IL1RAPL2: variants seen among roughly 807,000 people sequenced by gnomAD.
IL1RAPL2 encodes X-linked interleukin-1 receptor accessory protein-like 2.
IL1RAPL2 carries 3 observed loss-of-function variants against 44.1 expected under a neutral mutation model. The observed-to-expected ratio is 0.07, with a 90% CI of 0.03 to 0.18. IL1RAPL2 has a LOEUF of 0.18. IL1RAPL2 is among the 10% of genes least tolerant of loss of function. IL1RAPL2 has a pLI of 1.00. For synonymous variants in IL1RAPL2, 181 were observed against 178.8 expected (o/e 1.01, Z -0.10); for missense variants, 391 against 496.4 (o/e 0.79, Z 2.02).
intron 4 of IL1RAPL2, among the ~76,000 whole-genome samples, chrX:105,260,438 A>G: frequency 8.9e-6 from 1 of 111,957 alleles, no homozygotes; most frequent in East Asian, 2.8e-4. Flanking sequence ...ATTTTAGTAG[A>G]GCAGCTGTTT....
chrX:105,678,871 C>T (rs1472156539), intron 6 of IL1RAPL2, among the ~76,000 whole-genome samples: 1 of 110,896 alleles, frequency 9.0e-6, no homozygotes, highest in Non-Finnish European at 1.9e-5. Context: ...ATAACTAAAA[C>T]ATATTATAAT....
At chrX:105,266,305 G>C (rs751867612) in intron 4 of IL1RAPL2, among the ~76,000 whole-genome samples, 1 of 110,964 alleles carries the variant, frequency 9.0e-6, no homozygotes, top group African/African-American at 3.3e-5. Context: ...GCCTCCCAAA[G>C]TGCTGGGATT....
At chrX:105,593,423 T>TG (rs1192125721) in intron 6 of IL1RAPL2, among the ~76,000 whole-genome samples, 4 of 112,004 alleles carry the variant, frequency 3.6e-5, no homozygotes, top group Non-Finnish European at 5.6e-5. Flanking sequence ...CTGAATTCCA[T>TG]GTCTGTCTTT....
intron 5 of IL1RAPL2, among the ~76,000 whole-genome samples, chrX:105,412,666 A>C (rs942885189): frequency 9.0e-6 from 1 of 111,299 alleles, no homozygotes; most frequent in African/African-American, 3.3e-5. Flanking sequence ...ATAGTGTATT[A>C]CAAAAGAGCT....
chrX:104,759,041 A>C (rs1301400791), intron 2 of IL1RAPL2, among the ~76,000 whole-genome samples: 6 of 112,714 alleles, frequency 5.3e-5, no homozygotes, highest in Non-Finnish European at 1.1e-4. Context: ...CACAGAACAC[A>C]TGTTGAAAGA....
At chrX:104,842,819 T>C (rs1005729544) in intron 2 of IL1RAPL2, among the ~76,000 whole-genome samples, 4 of 112,274 alleles carry the variant, frequency 3.6e-5, no homozygotes, top group Non-Finnish European at 3.8e-5. Flanking sequence ...CTGTATGAGG[T>C]GTCTGTCCAC....
intron 5 of IL1RAPL2, among the ~76,000 whole-genome samples, chrX:105,421,095 G>T (rs1770786567): frequency 9.0e-6 from 1 of 111,693 alleles, no homozygotes; most frequent in African/African-American, 3.3e-5. Context: ...AGCACAGTTT[G>T]GTTTTATACA....
At chrX:105,124,101 C>CT (rs1340779002) in intron 2 of IL1RAPL2, among the ~76,000 whole-genome samples, 1 of 111,306 alleles carries the variant, frequency 9.0e-6, no homozygotes, top group African/African-American at 3.2e-5. Flanking sequence ...TGTAAATTGG[C>CT]TTATAACAGT....
intron 5 of IL1RAPL2, among the ~76,000 whole-genome samples, chrX:105,348,930 G>A (rs1004701522): frequency 9.0e-6 from 1 of 111,574 alleles, no homozygotes; most frequent in Non-Finnish European, 1.9e-5. Context: ...CCTGAGGAAG[G>A]AACTCAGATA....
chrX:105,101,613 C>T (rs1374115493), intron 2 of IL1RAPL2, among the ~76,000 whole-genome samples: 3 of 110,819 alleles, frequency 2.7e-5, no homozygotes, highest in South Asian at 3.8e-4. Flanking sequence ...ATACTATATA[C>T]GTAAGTGTAT....
At chrX:104,769,873 G>A (rs1435969548) in intron 2 of IL1RAPL2, among the ~76,000 whole-genome samples, 1 of 111,954 alleles carries the variant, frequency 8.9e-6, no homozygotes, top group Non-Finnish European at 1.9e-5. Flanking sequence ...GTTTCTATTT[G>A]AATCTGAGAA....
chrX:104,951,891 A>G (rs1925595175), intron 2 of IL1RAPL2, among the ~76,000 whole-genome samples: 1 of 112,347 alleles, frequency 8.9e-6, no homozygotes, highest in South Asian at 3.7e-4. Context: ...TGCTGGTTAT[A>G]CAAAGATTTA....
intron 2 of IL1RAPL2, among the ~76,000 whole-genome samples, chrX:104,814,403 T>C (rs1921080337): frequency 8.9e-6 from 1 of 112,315 alleles, no homozygotes; most frequent in South Asian, 3.7e-4. Context: ...TAGTATTTAT[T>C]GATTTTGTTT....
chrX:105,119,814 A>C (rs1239410986), intron 2 of IL1RAPL2, among the ~76,000 whole-genome samples: 1 of 111,311 alleles, frequency 9.0e-6, no homozygotes, highest in African/African-American at 3.3e-5. Flanking sequence ...AATGTATCAA[A>C]TACATCCATT....
chrX:105,497,423 C>T (rs900155377), intron 6 of IL1RAPL2, among the ~76,000 whole-genome samples: 4 of 111,175 alleles, frequency 3.6e-5, no homozygotes, highest in Middle Eastern at 4.2e-3. Context: ...ATCCCAGGAC[C>T]AGATGGCATT....
At chrX:105,645,676 C>T (rs1195143249) in intron 6 of IL1RAPL2, among the ~76,000 whole-genome samples, 2 of 111,538 alleles carry the variant, frequency 1.8e-5, no homozygotes, top group African/African-American at 3.3e-5. Flanking sequence ...CTATTGCTAC[C>T]CCACACAGTT....
intron 2 of IL1RAPL2, among the ~76,000 whole-genome samples, chrX:104,889,375 C>T (rs57766737): frequency 0.054 from 5,983 of 111,554 alleles, 417 homozygotes; most frequent in African/African-American, 0.19. Flanking sequence ...CCCTTCCACC[C>T]GCTCACCAGA....
At chrX:105,519,879 C>A (rs1262930428) in intron 6 of IL1RAPL2, among the ~76,000 whole-genome samples, 2 of 111,475 alleles carry the variant, frequency 1.8e-5, no homozygotes, top group African/African-American at 6.5e-5. Context: ...GACTACAGAA[C>A]CCTATTTTTT....
chrX:105,345,220 C>T (rs2035101621), intron 5 of IL1RAPL2, among the ~76,000 whole-genome samples: 1 of 111,675 alleles, frequency 9.0e-6, no homozygotes, highest in Admixed American at 9.6e-5. Context: ...CATAATCACC[C>T]TAGTTTAAAA....
Sources: gnomAD v4.1 joint callset for allele counts (sites outside exome capture counted in the v4.1 genomes callset) on GRCh38, gnomAD v4.1.1 for gene constraint, MANE v1.5 for transcripts, NCBI Gene and HGNC (gene_info 2026-07-23, HGNC 2026-07-21) for gene names.